The following FOXP1 variants were observed in gnomAD, a reference collection of about 807,000 sequenced individuals.
FOXP1 encodes the protein forkhead box P1, also known as forkhead box protein P1.
A neutral mutation model predicts 98.2 loss-of-function variants in FOXP1; 15 were observed. That is an observed-to-expected ratio of 0.15 (90% CI 0.10 to 0.24). FOXP1 has a LOEUF of 0.24. FOXP1 is among the 10% of genes least tolerant of loss of function. The probability of loss-of-function intolerance (pLI) is 1.00; values close to 1 mark genes in which losing one functional copy is unlikely to be tolerated. For synonymous variants in FOXP1, 371 were observed against 314.5 expected (o/e 1.18, Z -1.90); for missense variants, 633 against 848.5 (o/e 0.75, Z 3.15).
intron 3 of FOXP1, among the ~76,000 whole-genome samples, chr3:71,455,410 A>G (rs1176206643): frequency 6.6e-6 from 1 of 152,190 alleles, no homozygotes; most frequent in East Asian, 1.9e-4. Context: ...ATAACCCATT[A>G]TATGTTAGCT....
rs1407414334 is a variant in FOXP1, at chr3:71,411,318, TATGTGTGTGTGTGA to T, written c.-167-52088_-167-52075del. Among the ~76,000 whole-genome samples, 408 of 132,980 alleles carry T rather than the reference TATGTGTGTGTGTGA, an allele frequency of 3.1e-3. 4 individuals are homozygous for T. The highest frequency in any genetic ancestry group is 9.5e-3 in the African/African-American group (300 of 31,416). The allele number at this position is 132,980 out of a possible 152,430, so 87.2% of individuals were successfully genotyped here. A position where few individuals can be genotyped will look rare whatever the true frequency, so the allele number is the denominator to read the frequency against. ...GTGTGTGTGTGTGTGTGTGTGTGTG[TATGTGTGTGTGTGA>T]GTGACGGAGTCTTGCTCTGTCACCC... On this transcript the variant is annotated intron_variant, in intron 3 of 20. Coordinates refer to ENST00000649528, the MANE Select transcript of FOXP1 (RefSeq NM_001349338.3).
chr3:71,117,088 T>TC (rs1216583396), intron 6 of FOXP1, among the ~76,000 whole-genome samples: 3 of 124,764 alleles, frequency 2.4e-5, no homozygotes, highest in Non-Finnish European at 4.9e-5. Context: ...CAGAGATAAA[T>TC]CTTTTTTTTT....
At chr3:71,538,625 G>A (rs973747622) in intron 2 of FOXP1, among the ~76,000 whole-genome samples, 3 of 152,158 alleles carry the variant, frequency 2.0e-5, no homozygotes, top group Admixed American at 6.5e-5. Flanking sequence ...GAACATTTAT[G>A]TACAAGCTTT....
intron 5 of FOXP1, among the ~76,000 whole-genome samples, chr3:71,250,145 G>A (rs2068066964): frequency 6.6e-6 from 1 of 152,132 alleles, no homozygotes; most frequent in Non-Finnish European, 1.5e-5. Context: ...GCTACCCTAT[G>A]CATTGCAGAA....
chr3:71,356,242 A>C (rs1178806982), intron 4 of FOXP1, among the ~76,000 whole-genome samples: 2 of 152,000 alleles, frequency 1.3e-5, no homozygotes, highest in Non-Finnish European at 2.9e-5. Context: ...AAAGGAATAA[A>C]AAAAGAACTG....
chr3:71,459,423 G>T (rs1410154331), intron 3 of FOXP1, among the ~76,000 whole-genome samples: 1 of 152,208 alleles, frequency 6.6e-6, no homozygotes, highest in African/African-American at 2.4e-5. Flanking sequence ...TAGCAGTTAA[G>T]AAGTATTTAA....
At chr3:71,106,015 C>T (rs1357421818) in intron 7 of FOXP1, among the ~76,000 whole-genome samples, 5 of 152,276 alleles carry the variant, frequency 3.3e-5, no homozygotes, top group East Asian at 1.9e-4. Context: ...AACCTCTTGA[C>T]GGCACACTGG....
intron 9 of FOXP1, among the ~76,000 whole-genome samples, chr3:71,048,896 T>A (rs1038091123): frequency 6.6e-6 from 1 of 151,764 alleles, no homozygotes; most frequent in Non-Finnish European, 1.5e-5. Context: ...AAATGACTGA[T>A]GCCTTTTCTG....
chr3:71,304,214 G>A (rs2074086363), intron 4 of FOXP1, among the ~76,000 whole-genome samples: 1 of 152,110 alleles, frequency 6.6e-6, no homozygotes, highest in African/African-American at 2.4e-5. Flanking sequence ...CTTCAGGCTG[G>A]CAGCCCCCCA....
intron 10 of FOXP1, among the ~76,000 whole-genome samples, chr3:71,046,299 A>G (rs1028045286): frequency 6.6e-6 from 1 of 152,222 alleles, no homozygotes; most frequent in South Asian, 2.1e-4. Flanking sequence ...TACTAAATGT[A>G]TAAAATCTTA....
At chr3:71,553,788 A>C (rs1413631215) in intron 2 of FOXP1, among the ~76,000 whole-genome samples, 1 of 152,232 alleles carries the variant, frequency 6.6e-6, no homozygotes, top group Non-Finnish European at 1.5e-5. Flanking sequence ...ACATTTCTAA[A>C]ACCTAACTGA....
chr3:71,565,904 G>T (rs1003537529), intron 2 of FOXP1, among the ~76,000 whole-genome samples: 1 of 152,158 alleles, frequency 6.6e-6, no homozygotes, highest in Non-Finnish European at 1.5e-5. Context: ...ATTTGGGGTC[G>T]ATAAAGGAGT....
intron 5 of FOXP1, among the ~76,000 whole-genome samples, chr3:71,270,662 G>T (rs575090819): frequency 1.3e-5 from 2 of 152,326 alleles, no homozygotes; most frequent in East Asian, 3.9e-4. Flanking sequence ...TAGCAGGGAT[G>T]GGGCCCACCG....
rs142675429 is a variant in FOXP1 at position 71,394,517 on chromosome 3, C to T, written c.-167-35273G>A. Among the ~76,000 whole-genome samples, 361 of 152,296 alleles carry T rather than the reference C, an allele frequency of 2.4e-3. 1 individual carries two copies. Among genetic ancestry groups the T allele is most frequent in the African/African-American group, 8.1e-3 (335 of 41,570 alleles). ...TTTCTCCCGGTAAGATATAAAGTCT[C>T]TTCAATGGATCAAAGATGCATTTTT... On this transcript the variant is annotated intron_variant, in intron 3 of 20. Coordinates refer to ENST00000649528, the MANE Select transcript of FOXP1 (RefSeq NM_001349338.3).
chr3:71,250,472 T>C (rs564816089), intron 5 of FOXP1, among the ~76,000 whole-genome samples: 1 of 152,372 alleles, frequency 6.6e-6, no homozygotes, highest in Non-Finnish European at 1.5e-5. Context: ...GCCTAGTGGC[T>C]GCCATATCTT....
chr3:71,363,882 C>T (rs1185852169), intron 3 of FOXP1, among the ~76,000 whole-genome samples: 1 of 152,192 alleles, frequency 6.6e-6, no homozygotes, highest in Non-Finnish European at 1.5e-5. Context: ...TGCCTAATGA[C>T]TGCTTTCTTC....
intron 5 of FOXP1, among the ~76,000 whole-genome samples, chr3:71,284,692 G>A (rs1248953192): frequency 6.6e-6 from 1 of 151,782 alleles, no homozygotes; most frequent in Non-Finnish European, 1.5e-5. Flanking sequence ...AGGATGATGT[G>A]GTATACAACC....
intron 3 of FOXP1, among the ~76,000 whole-genome samples, chr3:71,492,042 T>C (rs2091096168): frequency 6.6e-6 from 1 of 152,210 alleles, no homozygotes; most frequent in Non-Finnish European, 1.5e-5. Flanking sequence ...CCATCCCACC[T>C]AGACTCATGA....
intron 7 of FOXP1, among the ~76,000 whole-genome samples, chr3:71,083,505 A>C (rs2054682145): frequency 6.6e-6 from 1 of 152,176 alleles, no homozygotes; most frequent in African/African-American, 2.4e-5. Context: ...CTCCACAGTG[A>C]CTGGTTCATG....
Sources: allele counts gnomAD v4.1 joint callset (sites outside exome capture counted in the v4.1 genomes callset), GRCh38; gene constraint gnomAD v4.1.1; transcripts MANE v1.5; gene names NCBI Gene and HGNC (gene_info 2026-07-23, HGNC 2026-07-21).